Variants in DNAJC13 observed in about 807,000 individuals in gnomAD.
DNAJC13 encodes the protein DnaJ heat shock protein family (Hsp40) member C13, also known as dnaJ homolog subfamily C member 13.
DNAJC13 carries 75 observed loss-of-function variants against 290.5 expected under a neutral mutation model. The ratio of observed to expected loss-of-function variants is 0.26; its 90% CI spans 0.21 to 0.31. The LOEUF (loss-of-function observed/expected upper bound fraction) is 0.31. Among genes scored for constraint, DNAJC13 ranks in the 10% least tolerant of loss-of-function variants. DNAJC13 has a pLI of 1.00. For missense variants in DNAJC13, 2,260 were observed against 2,674.5 expected (o/e 0.85, Z 3.42); for synonymous variants, 862 against 892.0 (o/e 0.97, Z 0.60).
intron 1 of DNAJC13, among the ~76,000 whole-genome samples, chr3:132,430,276 G>A (rs977215650): frequency 6.6e-6 from 1 of 151,454 alleles, no homozygotes. Context: ...CCAAATCAGT[G>A]GTACCTATGA....
At chr3:132,467,143 G>A (rs770532214) in intron 19 of DNAJC13, 27 bp from the exon 20 acceptor site, 1 of 1,602,060 alleles carries the variant, frequency 6.2e-7, no homozygotes, top group South Asian at 1.1e-5. Flanking sequence ...AAACAGGCAT[G>A]TAATGGATTC....
intron 53 of DNAJC13, among the ~76,000 whole-genome samples, chr3:132,526,672 G>A (rs554164676): frequency 2.0e-5 from 3 of 152,164 alleles, no homozygotes; most frequent in South Asian, 4.1e-4. Context: ...AAATTCATTC[G>A]TTTATTTATT....
chr3:132,453,779 A>G, intron 8 of DNAJC13, 85 bp downstream of exon 8: 7 of 1,144,190 alleles, frequency 6.1e-6, no homozygotes, highest in African/African-American at 1.6e-5. Context: ...ATGTTTACTC[A>G]TGGCTAAAGA....
intron 48 of DNAJC13, among the ~76,000 whole-genome samples, chr3:132,522,127 G>A (rs1254436898): frequency 1.3e-5 from 2 of 152,186 alleles, no homozygotes; most frequent in African/African-American, 4.8e-5. Flanking sequence ...CAAGCAATGA[G>A]TAAGAAAGAT....
At chr3:132,460,416 C>T in intron 14 of DNAJC13, 59 bp downstream of exon 14, 1 of 1,199,564 alleles carries the variant, frequency 8.3e-7, no homozygotes, top group Non-Finnish European at 1.2e-6. Context: ...GAAAGATATT[C>T]TAGAAGTGCC....
rs1934974665 is a variant in DNAJC13, at chr3:132,489,014, C to T, written c.3461C>T (p.Ser1154Leu). 1.2e-6 allele frequency: 2 copies of T among 1,610,604 alleles called. No individual in the cohort carries two copies. The highest frequency in any genetic ancestry group is 1.1e-5 in the South Asian group (1 of 90,892). Residue 1154 changes from serine to leucine, a missense_variant, in exon 31 of 56, where the codon TCA (serine) becomes TTA (leucine). Transcript: ENST00000260818. ...ACACATACCAAACAGGCTTTCAAGT[C>T]AGAAGAGGTAAGCCAGGTTAATCCT... is the stretch of plus-strand genomic sequence containing the variant. The part of the protein sequence containing the change: ...KYTHTKQAFK[S>L]EETKGQDIFQ...
At chr3:132,489,753 C>T (rs1439534587) in intron 31 of DNAJC13, among the ~76,000 whole-genome samples, 1 of 151,736 alleles carries the variant, frequency 6.6e-6, no homozygotes, top group Non-Finnish European at 1.5e-5. Context: ...CCAATGAAGC[C>T]CTAGAAAGTA....
At chr3:132,444,678 T>C (rs9835254) in intron 2 of DNAJC13, among the ~76,000 whole-genome samples, 76,293 of 152,112 alleles carry the variant, frequency 0.5, 20,336 homozygotes, top group East Asian at 0.84. Context: ...TTATCACACA[T>C]TTGATTTCAC....
At chr3:132,488,197 A>C (rs1284823571) in intron 29 of DNAJC13, 101 bp from the exon 30 acceptor site, 5 of 1,060,010 alleles carry the variant, frequency 4.7e-6, no homozygotes, top group African/African-American at 1.6e-5. Context: ...TTATTTTATA[A>C]TTTACATAAG....
intron 15 of DNAJC13, among the ~76,000 whole-genome samples, chr3:132,462,123 T>C (rs1933817912): frequency 6.6e-6 from 1 of 152,200 alleles, no homozygotes; most frequent in African/African-American, 2.4e-5. Context: ...TGTTATTTTA[T>C]ACAGTACTAT....
At chr3:132,530,091 C>T (rs1445391159) in intron 54 of DNAJC13, among the ~76,000 whole-genome samples, 1 of 152,184 alleles carries the variant, frequency 6.6e-6, no homozygotes, top group Non-Finnish European at 1.5e-5. Context: ...TAGGAACTCC[C>T]CTACCAGCTT....
chr3:132,457,977 G>A (rs1257370552), intron 13 of DNAJC13: 2 of 152,146 alleles, frequency 1.3e-5, no homozygotes, highest in Non-Finnish European at 1.5e-5. Context: ...AGGAACACCT[G>A]AAGGATTTTT....
intron 1 of DNAJC13, among the ~76,000 whole-genome samples, chr3:132,424,972 G>A (rs1307239688): frequency 6.6e-6 from 1 of 152,000 alleles, no homozygotes; most frequent in Non-Finnish European, 1.5e-5. Flanking sequence ...CCCATACACA[G>A]CACATTCTAT....
At chr3:132,511,343 C>T (rs1935774689) in intron 44 of DNAJC13, 99 bp downstream of exon 44, 2 of 1,366,032 alleles carry the variant, frequency 1.5e-6, no homozygotes, top group Middle Eastern at 1.9e-4. Context: ...GAAAATTATA[C>T]TTGGTTATAA....
intron 38 of DNAJC13, among the ~76,000 whole-genome samples, chr3:132,500,551 A>G (rs535234008): frequency 1.3e-5 from 2 of 152,326 alleles, no homozygotes; most frequent in East Asian, 3.9e-4. Context: ...TTGGCAGTAC[A>G]AAGACCATGG....
chr3:132,527,953 T>C (rs1009031578), intron 53 of DNAJC13, among the ~76,000 whole-genome samples: 2 of 152,194 alleles, frequency 1.3e-5, no homozygotes, highest in Non-Finnish European at 2.9e-5. Flanking sequence ...GAACATACTG[T>C]TTTACCCTCT....
chr3:132,440,774 C>T (rs1386116316), intron 2 of DNAJC13, among the ~76,000 whole-genome samples: 1 of 152,198 alleles, frequency 6.6e-6, no homozygotes, highest in Non-Finnish European at 1.5e-5. Flanking sequence ...AGAATTGATT[C>T]CCATTGTTAA....
rs114852556 is a variant in DNAJC13, at chr3:132,513,232, A to G, written c.5385+133A>G. ...TCATTTTGCCTATTAAGACACATCA[A>G]TATTTTTTGAAATTTGAATTAACAT... On this transcript the variant is annotated intron_variant, in intron 45 of 55. Transcript: ENST00000260818. 1.4e-3 allele frequency: 957 copies of G among 685,296 alleles called. 3 individuals are homozygous for G. In the African/African-American group the frequency reaches 0.015, roughly 10 times the overall value. 42.5% of individuals were successfully genotyped at this position (685,296 alleles called of 1,614,324 possible).
chr3:132,520,026 G>C (rs766386070), intron 48 of DNAJC13, among the ~76,000 whole-genome samples: 1 of 152,070 alleles, frequency 6.6e-6, no homozygotes, highest in African/African-American at 2.4e-5. Context: ...ACTATCACGA[G>C]AACAGAATAG....
Sources: gnomAD v4.1 joint callset for allele counts (sites outside exome capture counted in the v4.1 genomes callset) on GRCh38, gnomAD v4.1.1 for gene constraint, MANE v1.5 for transcripts, NCBI Gene and HGNC (gene_info 2026-07-23, HGNC 2026-07-21) for gene names.